GPR149: variants seen among roughly 807,000 people sequenced by gnomAD.
The protein encoded by GPR149 is G protein-coupled receptor 149, also known as probable G protein-coupled receptor 149.
A neutral mutation model predicts 50.2 loss-of-function variants in GPR149; 50 were observed. That is an observed-to-expected ratio of 1.00 (90% confidence interval 0.79 to 1.26). The LOEUF (loss-of-function observed/expected upper bound fraction) is 1.26, where lower values mean the gene tolerates loss of function less well. Ranked by LOEUF, GPR149 falls within the 50% of genes most tolerant of loss-of-function variation. The probability of loss-of-function intolerance (pLI) is 0.00; values close to 1 mark genes in which losing one functional copy is unlikely to be tolerated. For synonymous variants in GPR149, 405 were observed against 358.2 expected (o/e 1.13, Z -1.48); for missense variants, 983 against 895.4 (o/e 1.10, Z -1.25).
At chr3:154,389,227 A>G (rs1715112396) in intron 3 of GPR149, among the ~76,000 whole-genome samples, 2 of 152,206 alleles carry the variant, frequency 1.3e-5, no homozygotes, top group South Asian at 2.1e-4. Context: ...CAATGATTCT[A>G]TAATAAAATA....
intron 3 of GPR149, among the ~76,000 whole-genome samples, chr3:154,420,348 G>C (rs1045883393): frequency 6.6e-6 from 1 of 151,962 alleles, no homozygotes; most frequent in African/African-American, 2.4e-5. Flanking sequence ...CCATTTCAAT[G>C]AATAAGAAGG....
Position 154,421,261 on chromosome 3 carries a change from T to C in GPR149, c.1401A>G (p.Gln467=). ...TATTTGTGCATTTGTTGATGCCTCT[T>C]TGTGTGGAGCTGTCCAGAGAGGGCG... ...STTPSLDSST[Q]RGINKCTNTD... The change falls in exon 3 of 4, where the codon CAA becomes CAG. Residue 467 remains glutamine, a synonymous_variant. Coordinates refer to ENST00000389740, the MANE Select transcript of GPR149 (RefSeq NM_001038705.3). The C allele has an allele frequency of 6.2e-7, 1 of 1,613,480 alleles. No homozygotes were observed. The highest frequency in any genetic ancestry group is 1.3e-5 in the African/African-American group (1 of 74,996).
intron 3 of GPR149, chr3:154,353,769 GAAT>G: frequency 2.6e-6 from 2 of 757,886 alleles, no homozygotes; most frequent in Non-Finnish European, 4.7e-6. Context: ...TGGCAAAAAA[GAAT>G]GTCTTTCCTG....
intron 3 of GPR149, among the ~76,000 whole-genome samples, chr3:154,341,124 T>A (rs1576896063): frequency 1.3e-5 from 2 of 151,480 alleles, no homozygotes; most frequent in East Asian, 3.9e-4. Flanking sequence ...TATCAAAGAC[T>A]GAAACAATAG....
At chr3:154,354,743 A>C in intron 3 of GPR149, 1 of 694,372 alleles carries the variant, frequency 1.4e-6, no homozygotes, top group Non-Finnish European at 2.2e-6. Flanking sequence ...TGGCTCTCGG[A>C]CTCCTCCAAG....
chr3:154,337,129 T>C lies in GPR149; in HGVS notation c.*570A>G, dbSNP rs1713672619. 1 of 152,166 alleles carries C rather than the reference T, an allele frequency of 6.6e-6. No homozygotes were observed. The highest frequency in any genetic ancestry group is 1.5e-5 in the Non-Finnish European group (1 of 68,008). The allele number at this position is 152,166 out of a possible 1,614,324, so 9.4% of individuals were successfully genotyped here. A position where few individuals can be genotyped will look rare whatever the true frequency, so the allele number is the denominator to read the frequency against. ...ATTTGGTAGAAATGAAGGAAACAAC[T>C]ATTTATAGACTAGGAACCTGCGTGT... is the stretch of plus-strand genomic sequence containing the variant. On this transcript the variant is annotated 3_prime_UTR_variant, in exon 4 of 4. Coordinates refer to ENST00000389740, the MANE Select transcript of GPR149 (RefSeq NM_001038705.3).
intron 3 of GPR149, among the ~76,000 whole-genome samples, chr3:154,375,678 A>G (rs906004489): frequency 1.3e-5 from 2 of 152,148 alleles, no homozygotes; most frequent in African/African-American, 4.8e-5. Flanking sequence ...TGTCAACTTG[A>G]CTGGACTAAG....
In GPR149 at chr3:154,337,742, T is replaced by C. The variant is rs1449102610; in HGVS notation, c.2153A>G (p.Asn718Ser). ...DGYQEEIQLL[N>S]KAYRKREEES... is the part of the protein sequence containing the mutation. ...TTCCTCTCTTTTTCTGTAAGCTTTATTTAACAACTGGATTTCCTCCTGGTA... is the reference window on the plus strand; with the variant it reads ...TTCCTCTCTTTTTCTGTAAGCTTTACTTAACAACTGGATTTCCTCCTGGTA... Residue 718 changes from asparagine to serine, a missense_variant, in exon 4 of 4, where the codon AAT becomes AGT. Coordinates refer to ENST00000389740, the MANE Select transcript of GPR149 (RefSeq NM_001038705.3). 1.9e-6 allele frequency: 3 copies of C among 1,611,220 alleles called. No homozygotes were observed. Among genetic ancestry groups the C allele is most frequent in the Non-Finnish European group, 2.5e-6 (3 of 1,178,744 alleles).
intron 3 of GPR149, among the ~76,000 whole-genome samples, chr3:154,415,637 A>G (rs1184914858): frequency 6.6e-6 from 1 of 151,936 alleles, no homozygotes; most frequent in Admixed American, 6.6e-5. Flanking sequence ...TGTTTTTGTC[A>G]AAAGTAAAAA....
At chr3:154,344,809 A>G (rs1438863868) in intron 3 of GPR149, among the ~76,000 whole-genome samples, 1 of 152,166 alleles carries the variant, frequency 6.6e-6, no homozygotes, top group Admixed American at 6.5e-5. Flanking sequence ...CCAACACCAT[A>G]TTTCAGACTT....
At chr3:154,364,111 A>G (rs1714476620) in intron 3 of GPR149, among the ~76,000 whole-genome samples, 1 of 152,176 alleles carries the variant, frequency 6.6e-6, no homozygotes, top group Non-Finnish European at 1.5e-5. Context: ...TAACCAAGGT[A>G]TGGGAGTGAA....
chr3:154,362,061 A>T (rs1253987436), intron 3 of GPR149, among the ~76,000 whole-genome samples: 7 of 152,070 alleles, frequency 4.6e-5, no homozygotes, highest in African/African-American at 1.7e-4. Context: ...TAAAAAAGAC[A>T]GGTGGATCAT....
rs910857589 is a variant in GPR149 at position 154,353,674 on chromosome 3, T to C, written c.1624-15403A>G. ...TTGGCTACTTGGTTTGCCAGTTCCC[T>C]TGCTGGAGCCAAAACAAGTACCTTT... On this transcript the variant is annotated intron_variant, in intron 3 of 3. Transcript: ENST00000389740. 5.9e-6 allele frequency: 8 copies of C among 1,353,228 alleles called. No individual in the cohort carries two copies. The African/African-American group carries it at 8.7e-5, about 15-fold the overall frequency. The allele number at this position is 1,353,228 out of a possible 1,614,324, so 83.8% of individuals were successfully genotyped here.
At chr3:154,393,263 C>T (rs1576919636) in intron 3 of GPR149, among the ~76,000 whole-genome samples, 3 of 152,128 alleles carry the variant, frequency 2.0e-5, no homozygotes, top group South Asian at 4.1e-4. Flanking sequence ...CCCTGGAAGG[C>T]AAGTATGGTT....
At chr3:154,352,758 G>A (rs570890868) in intron 3 of GPR149, 2 of 795,276 alleles carry the variant, frequency 2.5e-6, no homozygotes, top group African/African-American at 1.7e-5. Context: ...TGGTATCCAT[G>A]CTTTTAGATT....
intron 3 of GPR149, among the ~76,000 whole-genome samples, chr3:154,404,376 A>G (rs1280093583): frequency 2.0e-5 from 3 of 152,114 alleles, no homozygotes; most frequent in Non-Finnish European, 4.4e-5. Flanking sequence ...TTGTTGTACT[A>G]TTGGTGTTCT....
Position 154,374,041 on chromosome 3 carries a change from G to A in GPR149, c.1624-35770C>T, listed in dbSNP as rs566614875. 3.5e-3 allele frequency among the ~76,000 whole-genome samples: 530 copies of A among 152,226 alleles called. 2 individuals carry two copies. Among genetic ancestry groups the A allele is most frequent in the African/African-American group, 0.012 (499 of 41,546 alleles). ...CAGCCACAGAAAATATCTTTTGGGT[G>A]CTTAGAGTTTGTTTTCCTGACCAGT... On this transcript the variant is annotated intron_variant, in intron 3 of 3. Coordinates refer to ENST00000389740, the MANE Select transcript of GPR149 (RefSeq NM_001038705.3).
rs115927156 is a variant in GPR149, at chr3:154,399,602, A to G, written c.1623+21437T>C. 4.0e-3 allele frequency among the ~76,000 whole-genome samples: 610 copies of G among 152,308 alleles called. 1 individual carries two copies. The highest frequency in any genetic ancestry group is 0.014 in the Middle Eastern group (4 of 294). ...TTCAGTGTGGAACTTAAGTCTTCAC[A>G]TTGGAATCAAAATTCCCTCAGCGTT... On this transcript the variant is annotated intron_variant, in intron 3 of 3. Transcript: ENST00000389740.
chr3:154,338,201 C>T lies in GPR149; in HGVS notation c.1694G>A (p.Gly565Glu), dbSNP rs201763792. Reference protein sequence around the residue: ...QGTVSLHAPTGKTLSLSTYEV... With the variant: ...QGTVSLHAPTEKTLSLSTYEV... Reference sequence around the variant, plus strand: ...ATAGGTAGAAAGAGATAGGGTTTTCCCTGTAGGTGCATGGAGAGACACAGT... The same window carrying T: ...ATAGGTAGAAAGAGATAGGGTTTTCTCTGTAGGTGCATGGAGAGACACAGT... Residue 565 changes from glycine to glutamate, a missense_variant, in exon 4 of 4, where the codon GGG becomes GAG. Gly to Glu is a moderately conservative substitution (Grantham distance 98). Transcript: ENST00000389740. 8.6e-5 allele frequency: 138 copies of T among 1,613,784 alleles called. No individual in the cohort carries two copies. Among genetic ancestry groups the T allele is most frequent in the Non-Finnish European group, 1.1e-4 (130 of 1,179,938 alleles).
Sources: gnomAD v4.1 joint callset for allele counts (sites outside exome capture counted in the v4.1 genomes callset) on GRCh38, gnomAD v4.1.1 for gene constraint, MANE v1.5 for transcripts, NCBI Gene and HGNC (gene_info 2026-07-23, HGNC 2026-07-21) for gene names.